GATAD2B: variants seen among roughly 807,000 people sequenced by gnomAD.
GATAD2B encodes GATA zinc finger domain containing 2B, also known as transcriptional repressor p66-beta.
In GATAD2B, 8 loss-of-function variants were observed where a neutral mutation model predicts 64.3. The observed-to-expected ratio is 0.12, with a 90% CI of 0.07 to 0.22. The LOEUF (loss-of-function observed/expected upper bound fraction) is 0.22. GATAD2B is among the 10% of genes least tolerant of loss of function. The pLI is 1.00. For synonymous variants in GATAD2B, 281 were observed against 271.3 expected (o/e 1.04, Z -0.35); for missense variants, 453 against 752.0 (o/e 0.60, Z 4.65).
Position 153,810,174 on chromosome 1 carries a change from G to T in GATAD2B, c.*3C>A. On this transcript the variant is annotated 3_prime_UTR_variant, in exon 11 of 11. Transcript: ENST00000368655. ...GGATGGGGCAGTACAAGTGGAACAG[G>T]CGTTATTTCTGTCCACTGATGGACT... The T allele has an allele frequency of 6.2e-7, 1 of 1,608,104 alleles. No homozygotes were observed.
chr1:153,876,500 G>C (rs1032460058), intron 1 of GATAD2B, among the ~76,000 whole-genome samples: 6 of 152,138 alleles, frequency 3.9e-5, no homozygotes, highest in African/African-American at 1.4e-4. Flanking sequence ...GAAAGAAAGA[G>C]CCTAGATGAC....
intron 1 of GATAD2B, among the ~76,000 whole-genome samples, chr1:153,911,345 A>G (rs1441843576): frequency 2.0e-5 from 3 of 152,178 alleles, no homozygotes; most frequent in Non-Finnish European, 4.4e-5. Context: ...CTTCACAATA[A>G]CCAACAAAAG....
chr1:153,896,173 T>C (rs1043957229), intron 1 of GATAD2B, among the ~76,000 whole-genome samples: 2 of 151,484 alleles, frequency 1.3e-5, no homozygotes, highest in South Asian at 4.2e-4. Flanking sequence ...AAAATATATT[T>C]TAAAAAAAAT....
At chr1:153,857,008 T>G (rs1676104247) in intron 1 of GATAD2B, among the ~76,000 whole-genome samples, 1 of 152,052 alleles carries the variant, frequency 6.6e-6, no homozygotes, top group Non-Finnish European at 1.5e-5. Context: ...CAGCCCTATT[T>G]GCCTTGGGGA....
At chr1:153,815,127 A>AAAAAGG (rs1674421121) in intron 7 of GATAD2B, among the ~76,000 whole-genome samples, 1 of 147,058 alleles carries the variant, frequency 6.8e-6, no homozygotes, top group African/African-American at 2.5e-5. Context: ...CAAAGAAAAA[A>AAAAAGG]ACTGGCATGG....
chr1:153,917,916 G>T lies in GATAD2B; in HGVS notation c.-2+4817C>A, dbSNP rs1320510340. Among the ~76,000 whole-genome samples the T allele has an allele frequency of 2.0e-5, 3 of 152,214 alleles. No individual in the cohort carries two copies. The East Asian group carries it at 5.8e-4, about 29-fold the overall frequency. On this transcript the variant is annotated intron_variant, in intron 1 of 10. Transcript: ENST00000368655. ...TGGGAACTGACAATACAATTTTAAA[G>T]AAAGGAAGGATAAGACTTCATTAAA...
intron 1 of GATAD2B, among the ~76,000 whole-genome samples, chr1:153,893,389 T>C (rs1475235876): frequency 2.6e-5 from 4 of 151,852 alleles, no homozygotes; most frequent in Non-Finnish European, 2.9e-5. Flanking sequence ...GGCAGATCAC[T>C]TGAGCCCAGA....
intron 1 of GATAD2B, among the ~76,000 whole-genome samples, chr1:153,842,953 C>T (rs970824802): frequency 1.5e-5 from 2 of 133,364 alleles, no homozygotes; most frequent in Non-Finnish European, 3.2e-5. Context: ...CCTCGCCCAG[C>T]CTTTTTTTTT....
At chr1:153,869,558 AT>A (rs1392919966) in intron 1 of GATAD2B, among the ~76,000 whole-genome samples, 1 of 151,952 alleles carries the variant, frequency 6.6e-6, no homozygotes, top group Non-Finnish European at 1.5e-5. Flanking sequence ...TTTTTTGGCA[AT>A]TTATTAGCTT....
At chr1:153,880,883 C>T (rs987949901) in intron 1 of GATAD2B, among the ~76,000 whole-genome samples, 3 of 152,128 alleles carry the variant, frequency 2.0e-5, no homozygotes, top group Non-Finnish European at 4.4e-5. Context: ...ACAGTTACTA[C>T]TTCTACTAGG....
Position 153,816,692 on chromosome 1 carries a change from G to T in GATAD2B, c.901-104C>A. Reference sequence around the variant, plus strand: ...GTCTGATCCTGGTTTGGACTACTTAGCTTCTCCAAAAATAGGAGGTGGTCA... The same window carrying T: ...GTCTGATCCTGGTTTGGACTACTTATCTTCTCCAAAAATAGGAGGTGGTCA... On this transcript the variant is annotated intron_variant, in intron 6 of 10. Coordinates refer to ENST00000368655, the MANE Select transcript of GATAD2B (RefSeq NM_020699.4). The surrounding 1 kb of genome is among the most constrained non-coding windows in gnomAD (Gnocchi z 4.9). 1.4e-6 allele frequency: 1 copy of T among 692,168 alleles called. No homozygotes were observed. Among genetic ancestry groups the T allele is most frequent in the Non-Finnish European group, 2.4e-6 (1 of 412,694 alleles). The allele number at this position is 692,168 out of a possible 1,614,324, so 42.9% of individuals were successfully genotyped here.
chr1:153,903,006 AG>A (rs1571002657), intron 1 of GATAD2B, among the ~76,000 whole-genome samples: 2 of 152,142 alleles, frequency 1.3e-5, no homozygotes, highest in East Asian at 3.9e-4. Context: ...TCACAAGGTC[AG>A]GAGATTGAGA....
intron 7 of GATAD2B, among the ~76,000 whole-genome samples, chr1:153,815,293 C>CA (rs71093285): frequency 0.01 from 1,135 of 111,814 alleles, 16 homozygotes; most frequent in African/African-American, 0.017. Flanking sequence ...AAAAAAAAAA[C>CA]AAAAAAAAAA....
chr1:153,828,271 T>C lies in GATAD2B; in HGVS notation c.77A>G (p.Asp26Gly). The C allele has an allele frequency of 6.2e-7, 1 of 1,614,010 alleles. No individual in the cohort carries two copies. Among genetic ancestry groups the C allele is most frequent in the Non-Finnish European group, 8.5e-7 (1 of 1,180,044 alleles). The change falls in exon 2 of 11, where the codon GAT becomes GGT. Residue 26 changes from aspartate (D) to glycine (G), a missense_variant. Transcript: ENST00000368655. The stretch of plus-strand genomic sequence containing the variant: ...CATTTTGAGTCGCTTTGCCAGGACA[T>C]CATCTCGCTCATCTGCTGGGTCCAA... ...RSLDPADERD[D>G]VLAKRLKMEG...
At chr1:153,901,644 G>C (rs758016885) in intron 1 of GATAD2B, among the ~76,000 whole-genome samples, 1 of 151,478 alleles carries the variant, frequency 6.6e-6, no homozygotes, top group Non-Finnish European at 1.5e-5. Flanking sequence ...GGCTAACATG[G>C]TGAAACCCAT....
intron 1 of GATAD2B, among the ~76,000 whole-genome samples, chr1:153,882,791 C>T (rs1050590607): frequency 2.0e-5 from 3 of 151,328 alleles, no homozygotes; most frequent in Non-Finnish European, 4.4e-5. Flanking sequence ...CATACCTAAG[C>T]CTGGTCTCTG....
rs538766312 is a variant in GATAD2B at position 153,885,730 on chromosome 1, G to A, written c.-2+37003C>T. Among the ~76,000 whole-genome samples the A allele has an allele frequency of 6.1e-4, 93 of 151,994 alleles. 2 individuals carry two copies. The highest frequency in any genetic ancestry group is 2.2e-3 in the African/African-American group (89 of 41,380). On this transcript the variant is annotated intron_variant, in intron 1 of 10. Coordinates refer to ENST00000368655, the MANE Select transcript of GATAD2B (RefSeq NM_020699.4). ...ACAAAAAAATTAGCCGGGCGTGGTG[G>A]TGGGCACCTGTAGTCCCAGCTACTC...
In GATAD2B at chr1:153,848,973, A is replaced by C. The variant is rs1440806217; in HGVS notation, c.-1-20625T>G. Among the ~76,000 whole-genome samples the C allele has an allele frequency of 6.3e-3, 894 of 141,382 alleles. 3 individuals are homozygous for C. Among genetic ancestry groups the C allele is most frequent in the African/African-American group, 0.01 (379 of 37,768 alleles). 92.8% of individuals were successfully genotyped at this position (141,382 alleles called of 152,430 possible). A position where few individuals can be genotyped will look rare whatever the true frequency, so the allele number is the denominator to read the frequency against. ...TCAAAACAAAGCAAAAAACAAACAA[A>C]CCCCCCCCCTCCCCCAGACTGGGTA... On this transcript the variant is annotated intron_variant, in intron 1 of 10. Coordinates refer to ENST00000368655, the MANE Select transcript of GATAD2B (RefSeq NM_020699.4).
intron 1 of GATAD2B, among the ~76,000 whole-genome samples, chr1:153,902,365 G>A (rs530262841): frequency 1.3e-5 from 2 of 152,308 alleles, no homozygotes; most frequent in Non-Finnish European, 2.9e-5. Flanking sequence ...AAAAAGTGCT[G>A]AATGAGGGTA....
Sources: gnomAD v4.1 joint callset for allele counts (sites outside exome capture counted in the v4.1 genomes callset) on GRCh38, gnomAD v4.1.1 for gene constraint, Gnocchi (gnomAD v3.1) non-coding constraint, MANE v1.5 for transcripts, NCBI Gene and HGNC (gene_info 2026-07-23, HGNC 2026-07-21) for gene names.